The following TOMM20L variants were observed in gnomAD, a reference collection of about 807,000 sequenced individuals.
TOMM20L encodes translocase of outer mitochondrial membrane 20 like, also known as TOMM20-like protein 1.
TOMM20L carries 19 observed loss-of-function variants against 20.4 expected under a neutral mutation model. That is an observed-to-expected ratio of 0.93 (90% CI 0.65 to 1.36). The LOEUF (loss-of-function observed/expected upper bound fraction) is 1.36, where lower values mean the gene tolerates loss of function less well. Among genes scored for constraint, TOMM20L ranks in the 40% most tolerant of loss-of-function variants. The probability of loss-of-function intolerance (pLI) is 0.00; values close to 1 mark genes in which losing one functional copy is unlikely to be tolerated. For missense variants in TOMM20L, 218 were observed against 203.7 expected, an observed-to-expected ratio of 1.07 and a Z score of -0.43; for synonymous variants, 75 against 79.6, an observed-to-expected ratio of 0.94 and a Z score of 0.30.
intron 2 of TOMM20L, among the ~76,000 whole-genome samples, chr14:58,396,564 C>G (rs1032581022): frequency 6.6e-6 from 1 of 152,250 alleles, no homozygotes; most frequent in African/African-American, 2.4e-5. Flanking sequence ...TATAAAAAGG[C>G]AGCTGCAAAG....
At chr14:58,409,610 G>A (rs1243536202), downstream of TOMM20L, among the ~76,000 whole-genome samples, 5 of 151,740 alleles carry the variant, frequency 3.3e-5, no homozygotes, top group African/African-American at 4.8e-5. Context: ...AGGGAGTCTC[G>A]CTGTGTCACC....
At chr14:58,416,136 G>A in the TOMM20L span, among the ~76,000 whole-genome samples, 27 of 152,076 alleles carry the variant, frequency 1.8e-4, no homozygotes, top group Non-Finnish European at 2.6e-4. Context: ...GCTGAGGCAC[G>A]AGAATTGCTT....
intron 2 of TOMM20L, among the ~76,000 whole-genome samples, chr14:58,396,883 C>T (rs947605331): frequency 7.2e-5 from 11 of 152,196 alleles, no homozygotes; most frequent in African/African-American, 2.7e-4. Flanking sequence ...CACGTGAGGT[C>T]AGGAGTTTGA....
At position 58,408,113 on chromosome 14, in the gene TOMM20L, C is replaced by T. The variant is rs1294658720; in HGVS notation, c.406-416C>T. Among the ~76,000 whole-genome samples, 4 of 152,002 alleles carry T rather than the reference C, an allele frequency of 2.6e-5. 1 individual carries two copies. Among genetic ancestry groups the T allele is most frequent in the African/African-American group, 4.8e-5 (2 of 41,384 alleles). On this transcript the variant is annotated intron_variant, in intron 4 of 4. Coordinates refer to ENST00000360945, the MANE Select transcript of TOMM20L (RefSeq NM_207377.3). ...GATGGGATTGTTTCCTGAAGATATA[C>T]GAAAATGTAGGTAAGATATGTGGCC...
downstream of TOMM20L, among the ~76,000 whole-genome samples, chr14:58,410,068 G>A (rs2036164376): frequency 6.6e-6 from 1 of 151,516 alleles, no homozygotes. Flanking sequence ...ATGAGGGCTG[G>A]TGCTTTTTGT....
At position 58,402,392 on chromosome 14, in the gene TOMM20L, A is replaced by G. The variant is rs374545873; in HGVS notation, c.181-288A>G. ...CAACCTCTGCCTCCCAGGTTCAAGC[A>G]ATTCTCCTGCCTCGGCCTCCTGAGT... On this transcript the variant is annotated intron_variant, in intron 2 of 4. Transcript: ENST00000360945. Among the ~76,000 whole-genome samples the G allele has an allele frequency of 5.3e-5, 8 of 151,982 alleles. 1 individual carries two copies. In the South Asian group the frequency reaches 6.2e-4, roughly 12 times the overall value.
chr14:58,400,541 C>T (rs1041517843), intron 2 of TOMM20L, among the ~76,000 whole-genome samples: 1 of 151,676 alleles, frequency 6.6e-6, no homozygotes, highest in Non-Finnish European at 1.5e-5. Flanking sequence ...ATGTAAAGTT[C>T]CTAGTTTATA....
chr14:58,416,845 T>G, the TOMM20L span, among the ~76,000 whole-genome samples: 1 of 152,276 alleles, frequency 6.6e-6, no homozygotes, highest in Middle Eastern at 3.4e-3. Context: ...TCGTGGCTCA[T>G]GCCTGTAATC....
chr14:58,402,829 T>C (rs948311190), intron 3 of TOMM20L, 68 bp downstream of exon 3: 8 of 1,219,286 alleles, frequency 6.6e-6, no homozygotes, highest in Non-Finnish European at 9.6e-6. Flanking sequence ...TTGATTAGTA[T>C]TTGTATGTCA....
the TOMM20L span, among the ~76,000 whole-genome samples, chr14:58,414,555 T>C: frequency 1.1e-4 from 17 of 151,894 alleles, 1 homozygote; most frequent in African/African-American, 3.9e-4. Flanking sequence ...CTGGACAGCA[T>C]AGTGAAACCG....
chr14:58,402,606 TA>T (rs1319857609), intron 2 of TOMM20L, 73 bp from the exon 3 acceptor site: 21 of 1,225,296 alleles, frequency 1.7e-5, no homozygotes, highest in Non-Finnish European at 2.5e-5. Flanking sequence ...CCTTTTTAAA[TA>T]AAAAATAATT....
intron 3 of TOMM20L, among the ~76,000 whole-genome samples, chr14:58,405,269 C>T (rs989881091): frequency 6.6e-6 from 1 of 152,018 alleles, no homozygotes; most frequent in Non-Finnish European, 1.5e-5. Context: ...CGCCCAGCCA[C>T]CCCTAGTAAT....
In TOMM20L at chr14:58,396,292, T is replaced by C. The variant is rs760204937; in HGVS notation, c.137-6T>C. On this transcript the variant is annotated splice_polypyrimidine_tract_variant and splice_region_variant and intron_variant, in intron 1 of 4. Transcript: ENST00000360945. ...CCAGCCAGCATGTGCCGTGTTGTGT[T>C]CGCAGAAAGAAGAGCAGAGCCTCAA... is the stretch of plus-strand genomic sequence containing the variant. 1.9e-6 allele frequency: 3 copies of C among 1,613,136 alleles called. No individual in the cohort carries two copies. The highest frequency in any genetic ancestry group is 2.5e-6 in the Non-Finnish European group (3 of 1,179,790).
At chr14:58,396,274 G>A (rs759540691) in intron 1 of TOMM20L, 24 bp from the exon 2 acceptor site, 1 of 1,612,424 alleles carries the variant, frequency 6.2e-7, no homozygotes, top group Admixed American at 1.7e-5. Context: ...CTCCCAGCCA[G>A]CATGTGCCGT....
downstream of TOMM20L, among the ~76,000 whole-genome samples, chr14:58,413,342 A>T (rs1407021958): frequency 6.6e-6 from 1 of 152,230 alleles, no homozygotes; most frequent in Non-Finnish European, 1.5e-5. Context: ...CAATGTAAAT[A>T]CAAAGGTTCT....
At chr14:58,405,532 T>G (rs964793928) in intron 3 of TOMM20L, among the ~76,000 whole-genome samples, 24 of 152,334 alleles carry the variant, frequency 1.6e-4, no homozygotes, top group East Asian at 1.5e-3. Flanking sequence ...TTTTATTTTT[T>G]GGGGACAGTG....
rs992553820 is a variant in TOMM20L at position 58,402,505 on chromosome 14, C to A, written c.181-175C>A. Among the ~76,000 whole-genome samples the A allele has an allele frequency of 1.6e-4, 25 of 152,138 alleles. 1 individual carries two copies. Among genetic ancestry groups the A allele is most frequent in the African/African-American group, 6.0e-4 (25 of 41,436 alleles). On this transcript the variant is annotated intron_variant, in intron 2 of 4. Coordinates refer to ENST00000360945, the MANE Select transcript of TOMM20L (RefSeq NM_207377.3). ...GTTTCTCCATGTTGGTCAGGCTGGT[C>A]TCGAACTCCCGACCTCAGGTGATCT... is the stretch of plus-strand genomic sequence containing the variant.
chr14:58,398,005 G>A (rs559156037), intron 2 of TOMM20L, among the ~76,000 whole-genome samples: 4 of 152,210 alleles, frequency 2.6e-5, no homozygotes, highest in Admixed American at 6.5e-5. Flanking sequence ...ATGGAGAGGC[G>A]GAGTCAAAGA....
intron 2 of TOMM20L, among the ~76,000 whole-genome samples, chr14:58,399,960 A>G (rs1192122392): frequency 7.4e-6 from 1 of 135,750 alleles, no homozygotes; most frequent in Admixed American, 8.0e-5. Flanking sequence ...ACTTCCCTGC[A>G]ACTAAAGGCT....
Sources: allele counts gnomAD v4.1 joint callset (sites outside exome capture counted in the v4.1 genomes callset), GRCh38; gene constraint gnomAD v4.1.1; transcripts MANE v1.5; gene names NCBI Gene and HGNC (gene_info 2026-07-23, HGNC 2026-07-21).